Variants in PUM1 observed in about 807,000 individuals in gnomAD.
PUM1 encodes the protein pumilio homolog 1.
A neutral mutation model predicts 131.8 loss-of-function variants in PUM1; 13 were observed. The ratio of observed to expected loss-of-function variants is 0.10; its 90% CI spans 0.06 to 0.16. The LOEUF (loss-of-function observed/expected upper bound fraction) is 0.16. Ranked by LOEUF, PUM1 falls within the 10% of genes least tolerant of loss-of-function variation. The probability of loss-of-function intolerance (pLI) is 1.00; values close to 1 mark genes in which losing one functional copy is unlikely to be tolerated. For synonymous variants in PUM1, 509 were observed against 556.5 expected, an observed-to-expected ratio of 0.91 and a Z score of 1.20; for missense variants, 961 against 1,512.4, an observed-to-expected ratio of 0.64 and a Z score of 6.05.
chr1:31,030,878 C>T (rs1368920666), intron 2 of PUM1, among the ~76,000 whole-genome samples: 1 of 152,074 alleles, frequency 6.6e-6, no homozygotes, highest in Admixed American at 6.6e-5. Flanking sequence ...TGAGACACAC[C>T]GTATCACTAA....
intron 2 of PUM1, among the ~76,000 whole-genome samples, chr1:31,040,567 T>A (rs1643783111): frequency 6.6e-6 from 1 of 152,078 alleles, no homozygotes; most frequent in South Asian, 2.1e-4. Context: ...AATACTTTAG[T>A]ATAGCCGAAA....
In PUM1 at chr1:31,059,560, C is replaced by G; in HGVS notation, c.7G>C (p.Val3Leu). The G allele has an allele frequency of 6.2e-7, 1 of 1,608,496 alleles. No homozygotes were observed. Among genetic ancestry groups the G allele is most frequent in the South Asian group, 1.1e-5 (1 of 90,354 alleles). Reference protein sequence around the residue: MSVACVLKRKAVL... With the variant: MSLACVLKRKAVL... ...GCTTTTCTCTTCAAGACACATGCAA[C>G]GCTCATTCCACCAACACCTAAGGAC... The change falls in exon 2 of 22, where the codon GTT (valine) becomes CTT (leucine). Residue 3 changes from valine to leucine, a missense_variant. By Grantham distance (32) the Val-to-Leu change is conservative (BLOSUM62 1). Around this residue, in one of 4 missense-constraint regions of PUM1, gnomAD observed 654 missense variants for 923.9 expected, o/e 0.71. Coordinates refer to ENST00000426105, the MANE Select transcript of PUM1 (RefSeq NM_001020658.2).
intron 10 of PUM1, among the ~76,000 whole-genome samples, chr1:30,974,099 AAAG>A (rs111555460): frequency 0.3 from 45,048 of 151,134 alleles, 6,919 homozygotes; most frequent in Non-Finnish European, 0.34. Flanking sequence ...AAAAAAAAAA[AAAG>A]GTGTTATTCT....
intron 3 of PUM1, 136 bp downstream of exon 3, chr1:31,028,660 G>A (rs563527083): frequency 5.3e-4 from 418 of 790,770 alleles, no homozygotes; most frequent in Admixed American, 6.3e-4. Context: ...CCAGCATCCC[G>A]TTCCTATCAT....
intron 2 of PUM1, chr1:31,055,284 T>C: frequency 2.2e-6 from 1 of 454,098 alleles, no homozygotes. Flanking sequence ...CCCAGCAGGA[T>C]GACTGAGCTG....
intron 7 of PUM1, among the ~76,000 whole-genome samples, chr1:30,985,328 C>T (rs908412407): frequency 4.6e-5 from 7 of 152,196 alleles, no homozygotes; most frequent in Admixed American, 3.9e-4. Context: ...AGACCAAAAG[C>T]AGAGGGCAGG....
chr1:31,005,791 A>AAG (rs57530886), intron 5 of PUM1, 62 bp downstream of exon 5: 14,255 of 1,310,914 alleles, frequency 0.011, 26 homozygotes, highest in East Asian at 0.02. Context: ...AGGGGAAAAA[A>AAG]AGAGAGAGAG....
chr1:30,977,203 C>T (rs1641171518), intron 9 of PUM1, among the ~76,000 whole-genome samples: 1 of 152,132 alleles, frequency 6.6e-6, no homozygotes, highest in Admixed American at 6.5e-5. Flanking sequence ...TGTTATGTGC[C>T]TGTGGTTTTG....
chr1:31,007,255 C>T (rs1642425958), intron 3 of PUM1, among the ~76,000 whole-genome samples, 153 bp from the exon 4 acceptor site: 1 of 152,112 alleles, frequency 6.6e-6, no homozygotes, highest in Non-Finnish European at 1.5e-5. Context: ...GTGGTCAGAA[C>T]ACTGCTATAT....
At chr1:30,938,904 TAGACAGAC>T (rs59153241) in intron 20 of PUM1, among the ~76,000 whole-genome samples, 1,078 of 70,836 alleles carry the variant, frequency 0.015, 17 homozygotes, top group African/African-American at 0.04. Context: ...GATAGATAGA[TAGACAGAC>T]AGACAGACAG....
At chr1:30,946,730 A>T (rs748965647) in intron 17 of PUM1, among the ~76,000 whole-genome samples, 2 of 151,542 alleles carry the variant, frequency 1.3e-5, no homozygotes, top group Admixed American at 6.6e-5. Context: ...TTGAAAAATC[A>T]TAAGTCAGGG....
At chr1:30,986,790 C>T (rs1475151240) in intron 7 of PUM1, among the ~76,000 whole-genome samples, 5 of 152,184 alleles carry the variant, frequency 3.3e-5, no homozygotes, top group Admixed American at 1.3e-4. Context: ...AGTTACTATA[C>T]ACATGACACT....
intron 2 of PUM1, among the ~76,000 whole-genome samples, chr1:31,046,082 A>T (rs1643953882): frequency 2.7e-5 from 4 of 146,272 alleles, no homozygotes; most frequent in Admixed American, 1.4e-4. Context: ...ACTCTGTCTC[A>T]AAATAATTTA....
chr1:31,031,197 T>C (rs1362368917), intron 2 of PUM1, among the ~76,000 whole-genome samples: 5 of 152,202 alleles, frequency 3.3e-5, no homozygotes, highest in Non-Finnish European at 5.9e-5. Context: ...AGCATTAACA[T>C]TGACAAAGCA....
chr1:31,028,420 G>A (rs984105916), intron 3 of PUM1, among the ~76,000 whole-genome samples: 2 of 16,762 alleles, frequency 1.2e-4, no homozygotes, highest in African/African-American at 2.5e-3. Flanking sequence ...TGCCATTGGC[G>A]GGGGGGGTGG....
At chr1:31,018,798 T>C (rs931843375) in intron 3 of PUM1, among the ~76,000 whole-genome samples, 5 of 152,238 alleles carry the variant, frequency 3.3e-5, no homozygotes, top group African/African-American at 1.2e-4. Context: ...GAATCTATTC[T>C]GCAGAGACAG....
chr1:31,006,450 C>T lies in PUM1; in HGVS notation c.542-419G>A, dbSNP rs376354275. Among the ~76,000 whole-genome samples the T allele has an allele frequency of 5.6e-4, 86 of 152,276 alleles. 2 individuals are homozygous for T. In the South Asian group the frequency reaches 0.017, roughly 30 times the overall value. On this transcript the variant is annotated intron_variant, in intron 4 of 21. Coordinates refer to ENST00000426105, the MANE Select transcript of PUM1 (RefSeq NM_001020658.2). ...CATGCTTACGTTGTACTGTAATACA[C>T]GACATTGGCTTTTGGGTTTTCTGTC...
intron 6 of PUM1, 90 bp from the exon 7 acceptor site, chr1:30,992,750 G>A: frequency 9.2e-7 from 1 of 1,083,892 alleles, no homozygotes; most frequent in Non-Finnish European, 1.4e-6. Context: ...CCTCAACATA[G>A]CTCATTATCA....
In PUM1 at chr1:30,980,278, A is replaced by C. The variant is rs1641307983; in HGVS notation, c.1253-115T>G. ...CAGTAGATAAGGAAAAAATGAAAAA[A>C]GAGAAGACGGGACAGGTTGAGGGTA... is the stretch of plus-strand genomic sequence containing the variant. On this transcript the variant is annotated intron_variant, in intron 8 of 21. Coordinates refer to ENST00000426105, the MANE Select transcript of PUM1 (RefSeq NM_001020658.2). 5 of 817,154 alleles carry C rather than the reference A, an allele frequency of 6.1e-6. No homozygotes were observed. The African/African-American group carries it at 6.8e-5, about 11-fold the overall frequency. 50.6% of individuals were successfully genotyped at this position (817,154 alleles called of 1,614,324 possible).
Sources: allele counts gnomAD v4.1 joint callset (sites outside exome capture counted in the v4.1 genomes callset), GRCh38; gene constraint gnomAD v4.1.1; regional missense constraint gnomAD v4.1.1; transcripts MANE v1.5; gene names NCBI Gene and HGNC (gene_info 2026-07-23, HGNC 2026-07-21).